UST: variants seen among roughly 807,000 people sequenced by gnomAD.
UST encodes chondroitin sulfate 2-O-sulfotransferase.
UST carries 21 observed loss-of-function variants against 45.6 expected under a neutral mutation model. The observed-to-expected ratio is 0.46, with a 90% confidence interval of 0.33 to 0.66. The LOEUF is 0.66. UST is among the 30% of genes least tolerant of loss of function. The pLI is 0.02. For synonymous variants in UST, 215 were observed against 200.6 expected, an observed-to-expected ratio of 1.07 and a Z score of -0.61; for missense variants, 463 against 512.4, an observed-to-expected ratio of 0.90 and a Z score of 0.93.
At chr6:148,907,133 A>T (rs1378269881) in intron 2 of UST, among the ~76,000 whole-genome samples, 1 of 152,230 alleles carries the variant, frequency 6.6e-6, no homozygotes, top group African/African-American at 2.4e-5. Context: ...AGAGAAAAAA[A>T]ATCTCTGTTT....
intron 5 of UST, among the ~76,000 whole-genome samples, chr6:149,008,042 C>A (rs1347628779): frequency 2.0e-5 from 3 of 152,102 alleles, no homozygotes; most frequent in African/African-American, 7.2e-5. Flanking sequence ...GCTGGTAAGT[C>A]ACCAGCTGTT....
intron 7 of UST, among the ~76,000 whole-genome samples, chr6:149,023,101 GGTGTGTGT>G (rs61544082): frequency 0.24 from 34,098 of 143,334 alleles, 4,259 homozygotes; most frequent in Admixed American, 0.26. Flanking sequence ...CTTGTTCTAT[GGTGTGTGT>G]GTGTGTGTGT....
intron 1 of UST, among the ~76,000 whole-genome samples, chr6:148,867,649 G>C (rs1280081025): frequency 1.3e-5 from 2 of 151,980 alleles, no homozygotes; most frequent in African/African-American, 2.4e-5. Context: ...CCTTTCGCTT[G>C]GCTCTCATGC....
intron 1 of UST, among the ~76,000 whole-genome samples, chr6:148,866,492 A>T (rs931976337): frequency 2.0e-5 from 3 of 152,180 alleles, no homozygotes; most frequent in Non-Finnish European, 1.5e-5. Context: ...ATGCGAAAAC[A>T]ACATCCACCT....
intron 1 of UST, among the ~76,000 whole-genome samples, chr6:148,835,758 A>G (rs575892784): frequency 1.3e-5 from 2 of 152,326 alleles, no homozygotes; most frequent in Admixed American, 1.3e-4. Context: ...TCTGAATCCT[A>G]AGTATTGAGG....
intron 1 of UST, among the ~76,000 whole-genome samples, chr6:148,850,660 A>G (rs1377223463): frequency 2.0e-5 from 3 of 152,202 alleles, no homozygotes; most frequent in African/African-American, 7.2e-5. Flanking sequence ...GAAGTGTCTC[A>G]ATGGGCAACT....
At chr6:148,885,363 C>G (rs1418563588) in intron 1 of UST, among the ~76,000 whole-genome samples, 1 of 152,146 alleles carries the variant, frequency 6.6e-6, no homozygotes, top group African/African-American at 2.4e-5. Context: ...AAATAGTTCT[C>G]TAGGCACAGG....
chr6:148,796,797 C>CTTTTTTT (rs1195878764), intron 1 of UST, among the ~76,000 whole-genome samples: 20 of 72,074 alleles, frequency 2.8e-4, no homozygotes, highest in East Asian at 4.8e-4. Flanking sequence ...TCTGATAATT[C>CTTTTTTT]TTTTTTTTTT....
intron 4 of UST, among the ~76,000 whole-genome samples, chr6:148,961,100 A>G (rs746819158): frequency 6.6e-6 from 1 of 152,222 alleles, no homozygotes; most frequent in Non-Finnish European, 1.5e-5. Context: ...CCTGCTGCAG[A>G]GCTTCATCTT....
At chr6:149,037,462 C>T (rs1026623791) in intron 7 of UST, among the ~76,000 whole-genome samples, 3 of 152,156 alleles carry the variant, frequency 2.0e-5, no homozygotes, top group East Asian at 1.9e-4. Flanking sequence ...AACACGGAGG[C>T]CCAGGTGTGG....
At chr6:149,024,267 G>A (rs1052863339) in intron 7 of UST, among the ~76,000 whole-genome samples, 1 of 152,204 alleles carries the variant, frequency 6.6e-6, no homozygotes, top group African/African-American at 2.4e-5. Flanking sequence ...AGGACCCCGG[G>A]CCAGTGTCAC....
At chr6:148,929,342 A>G (rs1286797741) in intron 2 of UST, among the ~76,000 whole-genome samples, 1 of 152,166 alleles carries the variant, frequency 6.6e-6, no homozygotes, top group Non-Finnish European at 1.5e-5. Context: ...TGAGATGTAC[A>G]CTGGAAGTTT....
intron 1 of UST, among the ~76,000 whole-genome samples, chr6:148,823,341 C>T (rs897359401): frequency 6.6e-6 from 1 of 152,094 alleles, no homozygotes; most frequent in African/African-American, 2.4e-5. Context: ...AAATAGTTAC[C>T]TATAAATTAA....
chr6:148,840,240 T>G (rs1777863993), intron 1 of UST, among the ~76,000 whole-genome samples: 1 of 152,166 alleles, frequency 6.6e-6, no homozygotes, highest in African/African-American at 2.4e-5. Context: ...GCTGCACTGC[T>G]AGAGATGCTG....
chr6:148,950,399 A>G (rs919996204), intron 3 of UST, among the ~76,000 whole-genome samples: 3 of 151,976 alleles, frequency 2.0e-5, no homozygotes, highest in African/African-American at 4.8e-5. Context: ...CCTTCTTCAC[A>G]TTCTCCACCC....
At chr6:148,867,172 T>G (rs1373143803) in intron 1 of UST, among the ~76,000 whole-genome samples, 1 of 152,102 alleles carries the variant, frequency 6.6e-6, no homozygotes, top group Admixed American at 6.6e-5. Flanking sequence ...GAAAAATCTG[T>G]GAAACCTTTG....
Position 148,988,443 on chromosome 6 carries a change from G to A in UST, c.681+23880G>A, listed in dbSNP as rs545194534. Among the ~76,000 whole-genome samples, 6 of 151,918 alleles carry A rather than the reference G, an allele frequency of 3.9e-5. No homozygotes were observed. In the East Asian group the frequency reaches 5.8e-4, roughly 15 times the overall value. On this transcript the variant is annotated intron_variant, in intron 5 of 7. Transcript: ENST00000367463. Reference sequence around the variant, plus strand: ...ACAAAAGGTAGCCCAGCATGGTGGCGTGTGCCTGTAGTCCCAGCTACTCAG... The same window carrying A: ...ACAAAAGGTAGCCCAGCATGGTGGCATGTGCCTGTAGTCCCAGCTACTCAG...
intron 1 of UST, among the ~76,000 whole-genome samples, chr6:148,870,684 A>G (rs898220383): frequency 6.6e-6 from 1 of 151,712 alleles, no homozygotes; most frequent in Non-Finnish European, 1.5e-5. Context: ...GGATGCATTT[A>G]CTCCGGTCTT....
At chr6:148,792,981 A>G (rs1033533422) in intron 1 of UST, among the ~76,000 whole-genome samples, 1 of 152,214 alleles carries the variant, frequency 6.6e-6, no homozygotes, top group Admixed American at 6.5e-5. Flanking sequence ...GATTAATTAT[A>G]AGCAACCTAA....
Sources: gnomAD v4.1 joint callset for allele counts (sites outside exome capture counted in the v4.1 genomes callset) on GRCh38, gnomAD v4.1.1 for gene constraint, MANE v1.5 for transcripts, NCBI Gene and HGNC (gene_info 2026-07-23, HGNC 2026-07-21) for gene names.